Variants in TPCN2 observed in about 807,000 individuals in gnomAD.
TPCN2 encodes the protein two pore channel protein 2.
TPCN2 carries 92 observed loss-of-function variants against 111.4 expected under a neutral mutation model. The ratio of observed to expected loss-of-function variants is 0.83; its 90% confidence interval spans 0.70 to 0.98. The LOEUF (loss-of-function observed/expected upper bound fraction) is 0.98, where lower values mean the gene tolerates loss of function less well. Among genes scored for constraint, TPCN2 ranks in the 50% least tolerant of loss-of-function variants. The pLI, the probability that TPCN2 is intolerant of heterozygous loss-of-function variation, is 0.00. For synonymous variants in TPCN2, 405 were observed against 414.5 expected (o/e 0.98, Z 0.28); for missense variants, 995 against 980.1 (o/e 1.02, Z -0.20).
At chr11:69,057,808 GC>G in intron 5 of TPCN2, 114 bp downstream of exon 5, 2 of 812,970 alleles carry the variant, frequency 2.5e-6, no homozygotes, top group South Asian at 2.9e-5. Context: ...CTGCCCACCC[GC>G]CCAGCACTGC....
intron 5 of TPCN2, among the ~76,000 whole-genome samples, chr11:69,059,468 C>T (rs936679880): frequency 3.9e-5 from 6 of 152,220 alleles, no homozygotes; most frequent in Admixed American, 2.6e-4. Flanking sequence ...CTCCCATTGC[C>T]CTTGCCTGGG....
rs1300911858 is a variant in TPCN2 at position 69,055,220 on chromosome 11, C to T, written c.297C>T (p.Ile99=). Residue 99 remains isoleucine, a synonymous_variant, in exon 4 of 25, where the codon ATC becomes ATT. Transcript: ENST00000294309. ...TIFLILFLAF[I]ETPSSLTSTA... ...TCTTGATCCTGTTTTTGGCTTTTAT[C>T]GAGACCCCATCCTCACTCACCAGCA... The T allele has an allele frequency of 8.1e-6, 13 of 1,614,214 alleles. No homozygotes were observed. Among genetic ancestry groups the T allele is most frequent in the East Asian group, 2.2e-5 (1 of 44,880 alleles).
intron 5 of TPCN2, among the ~76,000 whole-genome samples, chr11:69,061,928 AGTGT>A (rs1278135413): frequency 6.6e-6 from 1 of 151,078 alleles, no homozygotes; most frequent in African/African-American, 2.4e-5. Context: ...TATCTGTGAG[AGTGT>A]GTGTGTGTGA....
Position 69,048,957 on chromosome 11 carries a change from C to T in TPCN2, c.-41C>T. 3.3e-6 allele frequency: 4 copies of T among 1,205,994 alleles called. No individual in the cohort carries two copies. Among genetic ancestry groups the T allele is most frequent in the Non-Finnish European group, 4.2e-6 (4 of 961,142 alleles). The allele number at this position is 1,205,994 out of a possible 1,614,324, so 74.7% of individuals were successfully genotyped here. ...GCAGTGAAGCTGGGCGCCTTCGGGGCTTGAGCTTCTGAGGGTCGGGTCCAG... is the reference window on the plus strand; with the variant it reads ...GCAGTGAAGCTGGGCGCCTTCGGGGTTTGAGCTTCTGAGGGTCGGGTCCAG... On this transcript the variant is annotated 5_prime_UTR_variant, in exon 1 of 25. Transcript: ENST00000294309.
chr11:69,072,128 G>A (rs530158585), intron 11 of TPCN2, 105 bp downstream of exon 11: 40 of 929,392 alleles, frequency 4.3e-5, no homozygotes, highest in Admixed American at 1.2e-4. Flanking sequence ...CCTGTGCCTC[G>A]CCCCTGCTGG....
chr11:69,083,794 G>A, intron 18 of TPCN2, 151 bp from the exon 19 acceptor site: 1 of 680,214 alleles, frequency 1.5e-6, no homozygotes, highest in South Asian at 1.7e-5. Flanking sequence ...GGCGTGTGGG[G>A]GTGGCTGTGG....
At chr11:69,049,682 G>T (rs1206288149) in intron 1 of TPCN2, among the ~76,000 whole-genome samples, 4 of 152,082 alleles carry the variant, frequency 2.6e-5, no homozygotes. Flanking sequence ...GGCTGGGGCG[G>T]GCCCCCTAGA....
At chr11:69,052,975 C>T (rs1861298581) in intron 1 of TPCN2, among the ~76,000 whole-genome samples, 1 of 152,256 alleles carries the variant, frequency 6.6e-6, no homozygotes, top group South Asian at 2.1e-4. Flanking sequence ...CCCTGTTGGC[C>T]TGCTGGGGAG....
At chr11:69,049,203 C>A (rs1861100268) in intron 1 of TPCN2, 97 bp downstream of exon 1, 2 of 842,434 alleles carry the variant, frequency 2.4e-6, no homozygotes, top group African/African-American at 1.8e-5. Context: ...GCCGGGCGCG[C>A]CCCCACCAGG....
chr11:69,085,644 CT>C (rs1856241141), intron 20 of TPCN2, 26 bp from the exon 21 acceptor site: 1 of 1,504,250 alleles, frequency 6.6e-7, no homozygotes, highest in Non-Finnish European at 9.2e-7. Context: ...GCCCCCGCCC[CT>C]GACCCAGGTG....
chr11:69,056,983 G>A (rs1854800758), intron 4 of TPCN2, among the ~76,000 whole-genome samples: 1 of 152,076 alleles, frequency 6.6e-6, no homozygotes, highest in Non-Finnish European at 1.5e-5. Flanking sequence ...GATTACAGGT[G>A]CCTGCCACCA....
At chr11:69,073,951 A>T (rs113714364) in intron 13 of TPCN2, among the ~76,000 whole-genome samples, 22 of 149,110 alleles carry the variant, frequency 1.5e-4, no homozygotes, top group Middle Eastern at 3.4e-3. Flanking sequence ...CTCCTCTTAT[A>T]AGGACCCTAT....
rs530430049 is a variant in TPCN2, at chr11:69,057,667, C to T, written c.519C>T (p.Thr173=). Residue 173 remains threonine (T), a synonymous_variant, in exon 5 of 25, where the codon ACC becomes ACT. Transcript: ENST00000294309. ...VVLVVSLVDW[T]VSLSLVCHEP... ...TGGTGGTGTCTCTGGTGGACTGGAC[C>T]GTGTCCCTGAGTCTCGTGTGTCATG... 27 of 1,614,160 alleles carry T rather than the reference C, an allele frequency of 1.7e-5. No homozygotes were observed. In the Middle Eastern group the frequency reaches 4.9e-4, roughly 30 times the overall value.
At chr11:69,064,020 A>G in intron 7 of TPCN2, 53 bp downstream of exon 7, 1 of 1,560,466 alleles carries the variant, frequency 6.4e-7, no homozygotes, top group African/African-American at 1.4e-5. Flanking sequence ...TGCTGTGACT[A>G]ACAGAGGGGG....
In TPCN2 at chr11:69,089,248, CAATAA is replaced by C. The variant is rs1856376043; in HGVS notation, c.*1296_*1300del. ...TCTTTTTACTCGTGTTGAATAATAACAATAACAATAACAATAACAATATGGAAACC... is the reference window on the plus strand; with the variant it reads ...TCTTTTTACTCGTGTTGAATAATAACCAATAACAATAACAATATGGAAACC... On this transcript the variant is annotated 3_prime_UTR_variant, in exon 25 of 25. Transcript: ENST00000294309. 2.0e-5 allele frequency: 1 copy of C among 48,794 alleles called. No individual in the cohort carries two copies. The highest frequency in any genetic ancestry group is 5.9e-5 in the Non-Finnish European group (1 of 16,884). The allele number at this position is 48,794 out of a possible 1,614,324, so 3.0% of individuals were successfully genotyped here.
At chr11:69,086,658 C>G in intron 23 of TPCN2, 54 bp downstream of exon 23, 5 of 1,551,092 alleles carry the variant, frequency 3.2e-6, no homozygotes, top group Non-Finnish European at 4.4e-6. Flanking sequence ...TTCTAATTCA[C>G]TCTCGATGGG....
At position 69,087,148 on chromosome 11, in the gene TPCN2, C is replaced by T. The variant is rs951947886; in HGVS notation, c.2122C>T (p.Gln708Ter). 3.7e-6 allele frequency: 6 copies of T among 1,613,818 alleles called. No homozygotes were observed. The highest frequency in any genetic ancestry group is 2.7e-5 in the African/African-American group (2 of 74,902). The change falls in exon 24 of 25, where the codon CAG becomes TAG. Residue 708 changes from glutamine to a stop codon, truncating the protein, a stop_gained. Transcript: ENST00000294309. LOFTEE classifies it high-confidence loss of function. ...LHKWDPRSHL[Q>*]PLAGTPEATY... Reference sequence around the variant, plus strand: ...CAAGTGGGACCCCCGCAGCCACCTGCAGCCCCTTGCTGGGACCCCAGAGGC... The same window carrying T: ...CAAGTGGGACCCCCGCAGCCACCTGTAGCCCCTTGCTGGGACCCCAGAGGC...
rs1161278936 is a variant in TPCN2, at chr11:69,089,170, A to C, written c.*1217A>C. The C allele has an allele frequency of 6.6e-6, 1 of 152,368 alleles. No individual in the cohort carries two copies. The highest frequency in any genetic ancestry group is 1.5e-5 in the Non-Finnish European group (1 of 68,098). 9.4% of individuals were successfully genotyped at this position (152,368 alleles called of 1,614,324 possible). The stretch of plus-strand genomic sequence containing the variant: ...GAGGGGGCGACCCGAACAACAGTGC[A>C]GTCGGTATCGAGATTGGGGAGAGGA... On this transcript the variant is annotated 3_prime_UTR_variant, in exon 25 of 25. Transcript: ENST00000294309.
chr11:69,084,154 G>C, intron 19 of TPCN2, 138 bp downstream of exon 19: 1 of 855,620 alleles, frequency 1.2e-6, no homozygotes, highest in South Asian at 1.5e-5. Flanking sequence ...AGGTTCCTGA[G>C]GCCAGGGAAG....
Sources: gnomAD v4.1 joint callset for allele counts (sites outside exome capture counted in the v4.1 genomes callset) on GRCh38, gnomAD v4.1.1 for gene constraint, MANE v1.5 for transcripts, NCBI Gene and HGNC (gene_info 2026-07-23, HGNC 2026-07-21) for gene names.